MET: variants seen among roughly 807,000 people sequenced by gnomAD.
The protein encoded by MET is MET proto-oncogene, receptor tyrosine kinase.
A neutral mutation model predicts 133.1 loss-of-function variants in MET; 48 were observed. That is an observed-to-expected ratio of 0.36 (90% confidence interval 0.29 to 0.46). The LOEUF is 0.46. Ranked by LOEUF, MET falls within the 20% of genes least tolerant of loss-of-function variation. The pLI, the probability that MET is intolerant of heterozygous loss-of-function variation, is 1.00. For synonymous variants in MET, 628 were observed against 616.5 expected (o/e 1.02, Z -0.28); for missense variants, 1,442 against 1,695.9 (o/e 0.85, Z 2.63).
In MET at chr7:116,739,224, A is replaced by G. The variant is rs1186038432; in HGVS notation, c.1393-726A>G. Among the ~76,000 whole-genome samples the G allele has an allele frequency of 2.0e-5, 3 of 152,326 alleles. No individual in the cohort carries two copies. The East Asian group carries it at 5.8e-4, about 29-fold the overall frequency. ...TGGGTTCTAGGAACAGGACAGATGG[A>G]AATTAGATAGCTGGGAAACATCCCA... On this transcript the variant is annotated intron_variant, in intron 3 of 20. Coordinates refer to ENST00000397752, the MANE Select transcript of MET (RefSeq NM_000245.4).
rs2116956146 is a variant in MET, at chr7:116,763,182, C to T, written c.2497C>T (p.Leu833Phe). 1.9e-6 allele frequency: 3 copies of T among 1,614,008 alleles called. No homozygotes were observed. Among genetic ancestry groups the T allele is most frequent in the Non-Finnish European group, 2.5e-6 (3 of 1,179,968 alleles). ...TGGGATCCTTTCCAAATACTTTGAT[C>T]TCATTTATGTACATAATCCTGTGTT... The part of the protein sequence containing the change: ...LDGILSKYFD[L>F]IYVHNPVFKP... Residue 833 changes from leucine to phenylalanine, a missense_variant, in exon 11 of 21, where the codon CTC becomes TTC. Transcript: ENST00000397752.
chr7:116,762,706 C>T (rs1253468643), intron 10 of MET, among the ~76,000 whole-genome samples: 1 of 152,126 alleles, frequency 6.6e-6, no homozygotes, highest in Non-Finnish European at 1.5e-5. Context: ...CAAAGCTGAG[C>T]TCCCAGTCTG....
In MET at chr7:116,776,063, CTTG is replaced by C. The variant is rs1217087416; in HGVS notation, c.3259+958_3259+960del. 1.1e-4 allele frequency among the ~76,000 whole-genome samples: 16 copies of C among 151,738 alleles called. No individual in the cohort carries two copies. The East Asian group carries it at 2.1e-3, about 20-fold the overall frequency. On this transcript the variant is annotated intron_variant, in intron 15 of 20. Coordinates refer to ENST00000397752, the MANE Select transcript of MET (RefSeq NM_000245.4). ...AAACCGGGAAATGAACTTCATTCTT[CTTG>C]TTGTTTTTTTTTTTCTAAAAAGCTT...
At chr7:116,726,405 C>T (rs746131555) in intron 2 of MET, among the ~76,000 whole-genome samples, 1 of 151,538 alleles carries the variant, frequency 6.6e-6, no homozygotes, top group East Asian at 2.0e-4. Context: ...TCCTTCTTGA[C>T]TCAGAGATCT....
At chr7:116,729,653 A>G (rs985880501) in intron 2 of MET, among the ~76,000 whole-genome samples, 4 of 152,154 alleles carry the variant, frequency 2.6e-5, no homozygotes, top group Non-Finnish European at 5.9e-5. Context: ...CTTCCAAGGT[A>G]TACATCATTT....
chr7:116,685,703 A>G (rs924352886), intron 1 of MET, among the ~76,000 whole-genome samples: 2 of 152,016 alleles, frequency 1.3e-5, no homozygotes, highest in Admixed American at 6.6e-5. Context: ...TAAAAATAAA[A>G]AAACCTCCAT....
At chr7:116,718,708 G>A (rs1235750624) in intron 2 of MET, among the ~76,000 whole-genome samples, 1 of 143,834 alleles carries the variant, frequency 7.0e-6, no homozygotes, top group African/African-American at 2.6e-5. Context: ...TGATCTCATT[G>A]TTCAATTCCC....
intron 5 of MET, among the ~76,000 whole-genome samples, chr7:116,753,466 C>T (rs933368358): frequency 2.6e-5 from 4 of 152,310 alleles, no homozygotes; most frequent in African/African-American, 7.2e-5. Context: ...AATTATCTTA[C>T]ACACTTTATA....
intron 3 of MET, among the ~76,000 whole-genome samples, chr7:116,732,107 T>C (rs1793035552): frequency 6.6e-6 from 1 of 152,218 alleles, no homozygotes; most frequent in African/African-American, 2.4e-5. Context: ...CAGAATGGTG[T>C]GGCATTTTTT....
At chr7:116,740,457 A>G (rs991715197) in intron 4 of MET, among the ~76,000 whole-genome samples, 1 of 152,210 alleles carries the variant, frequency 6.6e-6, no homozygotes, top group South Asian at 2.1e-4. Flanking sequence ...AAGAAAGTGC[A>G]TCTTGATGCC....
At position 116,785,818 on chromosome 7, in the gene MET, G is replaced by A. The variant is rs375843365; in HGVS notation, c.3798+2349G>A. On this transcript the variant is annotated intron_variant, in intron 19 of 20. Coordinates refer to ENST00000397752, the MANE Select transcript of MET (RefSeq NM_000245.4). ...GGAATTGATAAAAAGTCAAAGATTA[G>A]CAAAGATATATGCTCATGCAATAAC... Among the ~76,000 whole-genome samples the A allele has an allele frequency of 2.1e-4, 32 of 151,042 alleles. No individual in the cohort carries two copies. In the East Asian group the frequency reaches 5.6e-3, roughly 26 times the overall value.
At chr7:116,714,786 G>A (rs1405646437) in intron 2 of MET, among the ~76,000 whole-genome samples, 1 of 147,136 alleles carries the variant, frequency 6.8e-6, no homozygotes, top group African/African-American at 2.5e-5. Flanking sequence ...CAGGCCACAG[G>A]GACCCTATGG....
At chr7:116,722,796 A>G (rs1352830409) in intron 2 of MET, among the ~76,000 whole-genome samples, 2 of 152,090 alleles carry the variant, frequency 1.3e-5, no homozygotes, top group Non-Finnish European at 2.9e-5. Context: ...CTTTAAGAAT[A>G]TGGAATATTG....
intron 18 of MET, 122 bp from the exon 19 acceptor site, chr7:116,783,182 A>G: frequency 8.7e-7 from 1 of 1,146,376 alleles, no homozygotes; most frequent in Non-Finnish European, 1.3e-6. Context: ...GCCAGATGAA[A>G]TACTTCCTTC....
intron 1 of MET, among the ~76,000 whole-genome samples, chr7:116,687,025 G>A (rs1796587038): frequency 6.6e-6 from 1 of 152,242 alleles, no homozygotes; most frequent in South Asian, 2.1e-4. Context: ...CACCTTTACA[G>A]CACAGCCTGG....
intron 19 of MET, among the ~76,000 whole-genome samples, chr7:116,791,079 AAATAAT>A (rs565340536): frequency 2.0e-5 from 3 of 152,198 alleles, no homozygotes; most frequent in Non-Finnish European, 4.4e-5. Flanking sequence ...CCCGTCTCAA[AAATAAT>A]AATAATAAAG....
intron 19 of MET, among the ~76,000 whole-genome samples, chr7:116,787,429 C>T (rs894555822): frequency 4.6e-5 from 7 of 152,132 alleles, no homozygotes; most frequent in Admixed American, 2.6e-4. Context: ...GTATTTGGCC[C>T]ACAGTTCTGG....
chr7:116,793,070 G>C (rs1377697417), intron 19 of MET, among the ~76,000 whole-genome samples: 1 of 152,058 alleles, frequency 6.6e-6, no homozygotes, highest in Non-Finnish European at 1.5e-5. Context: ...TCCATATTGT[G>C]AATCAGCTTC....
intron 1 of MET, among the ~76,000 whole-genome samples, chr7:116,689,420 C>T (rs771627874): frequency 1.8e-4 from 28 of 152,150 alleles, no homozygotes; most frequent in South Asian, 4.2e-4. Context: ...CATTTGCTGA[C>T]GACTAGGATT....
Sources: gnomAD v4.1 joint callset for allele counts (sites outside exome capture counted in the v4.1 genomes callset) on GRCh38, gnomAD v4.1.1 for gene constraint, MANE v1.5 for transcripts, NCBI Gene and HGNC (gene_info 2026-07-23, HGNC 2026-07-21) for gene names.